PIKFYVE: variants seen among roughly 807,000 people sequenced by gnomAD.
The protein encoded by PIKFYVE is phosphoinositide kinase, FYVE-type zinc finger containing.
In PIKFYVE, 122 loss-of-function variants were observed where a neutral mutation model predicts 257.9. The ratio of observed to expected loss-of-function variants is 0.47; its 90% CI spans 0.41 to 0.55. The LOEUF is 0.55. Among genes scored for constraint, PIKFYVE ranks in the 20% least tolerant of loss-of-function variants. The probability of loss-of-function intolerance (pLI) is 0.00; values close to 1 mark genes in which losing one functional copy is unlikely to be tolerated. For synonymous variants in PIKFYVE, 892 were observed against 868.9 expected, an observed-to-expected ratio of 1.03 and a Z score of -0.47; for missense variants, 2,160 against 2,536.6, an observed-to-expected ratio of 0.85 and a Z score of 3.19.
intron 13 of PIKFYVE, among the ~76,000 whole-genome samples, 155 bp from the exon 14 acceptor site, chr2:208,314,139 A>T (rs1162462259): frequency 6.6e-6 from 1 of 152,156 alleles, no homozygotes; most frequent in African/African-American, 2.4e-5. Flanking sequence ...CATTTTATTT[A>T]TATGTTTATT....
chr2:208,357,867 A>C lies in PIKFYVE; in HGVS notation c.*2562A>C, dbSNP rs1700249150. On this transcript the variant is annotated 3_prime_UTR_variant, in exon 42 of 42. Transcript: ENST00000264380. Reference sequence around the variant, plus strand: ...AACATGAGTCCCGAGAATAATTGATAGTAGCAAGAGAAAACTATGTCAGTA... The same window carrying C: ...AACATGAGTCCCGAGAATAATTGATCGTAGCAAGAGAAAACTATGTCAGTA... The C allele has an allele frequency of 6.6e-6, 1 of 152,246 alleles. No individual in the cohort carries two copies. The highest frequency in any genetic ancestry group is 2.1e-4 in the South Asian group (1 of 4,834). The allele number at this position is 152,246 out of a possible 1,614,324, so 9.4% of individuals were successfully genotyped here.
chr2:208,284,037 T>G (rs574787714), intron 5 of PIKFYVE, among the ~76,000 whole-genome samples: 2 of 152,318 alleles, frequency 1.3e-5, no homozygotes, highest in South Asian at 4.1e-4. Flanking sequence ...CTAATATTAG[T>G]GGGAAAATTT....
intron 7 of PIKFYVE, among the ~76,000 whole-genome samples, chr2:208,297,869 G>C (rs1693178705): frequency 6.7e-6 from 1 of 149,856 alleles, no homozygotes; most frequent in Admixed American, 6.6e-5. Flanking sequence ...TAAGTCATTT[G>C]TTTGGTAACT....
intron 1 of PIKFYVE, among the ~76,000 whole-genome samples, chr2:208,268,490 G>T (rs1308236999): frequency 7.7e-5 from 11 of 142,814 alleles, no homozygotes; most frequent in African/African-American, 2.9e-4. Context: ...TGACTAGGCT[G>T]GTCTGGAACT....
At chr2:208,335,763 TA>T (rs750351036) in intron 25 of PIKFYVE, 29 bp from the exon 26 acceptor site, 26 of 1,515,026 alleles carry the variant, frequency 1.7e-5, no homozygotes, top group Non-Finnish European at 2.2e-5. Flanking sequence ...TCACCCTTTC[TA>T]AAGTGTTTAA....
chr2:208,279,215 CTGTT>C (rs1387144026), intron 5 of PIKFYVE, among the ~76,000 whole-genome samples: 9 of 152,044 alleles, frequency 5.9e-5, no homozygotes, highest in Non-Finnish European at 1.0e-4. Flanking sequence ...TGAGAAGTGT[CTGTT>C]CATGTCTTTT....
intron 3 of PIKFYVE, chr2:208,273,956 T>A (rs1245512018): frequency 1.9e-5 from 29 of 1,552,878 alleles, no homozygotes; most frequent in Non-Finnish European, 2.6e-5. Context: ...CATTAAACTT[T>A]AATTTAGGCA....
At chr2:208,346,395 A>G (rs1353342174) in intron 34 of PIKFYVE, among the ~76,000 whole-genome samples, 4 of 152,178 alleles carry the variant, frequency 2.6e-5, no homozygotes, top group East Asian at 1.9e-4. Context: ...GGTCTATGCA[A>G]AAAGGAGAAT....
At chr2:208,339,009 A>G (rs1698443763) in intron 29 of PIKFYVE, among the ~76,000 whole-genome samples, 1 of 152,218 alleles carries the variant, frequency 6.6e-6, no homozygotes, top group Non-Finnish European at 1.5e-5. Context: ...AGACTGTAGA[A>G]CCAGGAGCTC....
intron 7 of PIKFYVE, among the ~76,000 whole-genome samples, chr2:208,291,356 G>A (rs143378610): frequency 1.1e-3 from 160 of 152,140 alleles, no homozygotes; most frequent in African/African-American, 3.6e-3. Flanking sequence ...CCATTTGGTC[G>A]TGGTTTATAT....
intron 7 of PIKFYVE, among the ~76,000 whole-genome samples, chr2:208,289,385 A>G (rs1691996683): frequency 6.6e-6 from 1 of 151,872 alleles, no homozygotes; most frequent in Admixed American, 6.6e-5. Flanking sequence ...ACTAATTTAT[A>G]TTTTGTCCCT....
chr2:208,291,931 T>C (rs1488149109), intron 7 of PIKFYVE, among the ~76,000 whole-genome samples: 3 of 152,142 alleles, frequency 2.0e-5, no homozygotes, highest in African/African-American at 7.2e-5. Flanking sequence ...ATGCGCTTCG[T>C]GCTATGAATT....
rs768364491 is a variant in PIKFYVE at position 208,315,240 on chromosome 2, A to G, written c.1874A>G (p.His625Arg). The G allele has an allele frequency of 1.2e-5, 20 of 1,614,162 alleles. No individual in the cohort carries two copies. The highest frequency in any genetic ancestry group is 1.6e-5 in the Non-Finnish European group (19 of 1,179,994). Residue 625 changes from histidine (H) to arginine (R), a missense_variant, in exon 15 of 42, where the codon CAT (histidine) becomes CGT (arginine). Physicochemically the swap from His to Arg is conservative, Grantham distance 29. This residue lies in a region of PIKFYVE where 346 missense variants were observed against 365.6 expected (regional missense o/e 0.95). Coordinates refer to ENST00000264380, the MANE Select transcript of PIKFYVE (RefSeq NM_015040.4). ...HMMALLQQLL[H>R]SDSLSSSWRD... ...ATGGCACTACTCCAGCAGTTGCTCCATAGTGACTCACTGTCATCATCTTGG... is the reference window on the plus strand; with the variant it reads ...ATGGCACTACTCCAGCAGTTGCTCCGTAGTGACTCACTGTCATCATCTTGG...
At chr2:208,330,311 T>C (rs1338734545) in intron 22 of PIKFYVE, among the ~76,000 whole-genome samples, 1 of 152,170 alleles carries the variant, frequency 6.6e-6, no homozygotes, top group Non-Finnish European at 1.5e-5. Flanking sequence ...TATCAGAAGG[T>C]AAAAGGAAAT....
At chr2:208,326,478 A>G (rs1390688824) in intron 20 of PIKFYVE, 49 bp downstream of exon 20, 2 of 1,578,666 alleles carry the variant, frequency 1.3e-6, no homozygotes, top group Non-Finnish European at 8.7e-7. Flanking sequence ...GATGTGTTGA[A>G]TGACTCCTCA....
At chr2:208,301,365 G>A (rs1445771441) in intron 9 of PIKFYVE, among the ~76,000 whole-genome samples, 1 of 152,140 alleles carries the variant, frequency 6.6e-6, no homozygotes, top group Non-Finnish European at 1.5e-5. Flanking sequence ...ATTAGAGAAG[G>A]TAGCTGGAAC....
At chr2:208,317,610 C>T (rs936808387) in intron 15 of PIKFYVE, among the ~76,000 whole-genome samples, 1 of 152,152 alleles carries the variant, frequency 6.6e-6, no homozygotes, top group African/African-American at 2.4e-5. Context: ...TTAACTGCCA[C>T]ATGGCACTAG....
chr2:208,333,078 C>T (rs1387669814), intron 23 of PIKFYVE, among the ~76,000 whole-genome samples: 1 of 151,406 alleles, frequency 6.6e-6, no homozygotes, highest in Non-Finnish European at 1.5e-5. Context: ...ACTAAAAATA[C>T]AAAAAATTAG....
chr2:208,305,131 G>A, intron 12 of PIKFYVE, 118 bp downstream of exon 12: 1 of 1,555,356 alleles, frequency 6.4e-7, no homozygotes, highest in Non-Finnish European at 8.7e-7. Context: ...TATTTGGTGT[G>A]GGTTTTGTTC....
Sources: allele counts gnomAD v4.1 joint callset (sites outside exome capture counted in the v4.1 genomes callset), GRCh38; gene constraint gnomAD v4.1.1; regional missense constraint gnomAD v4.1.1; transcripts MANE v1.5; gene names NCBI Gene and HGNC (gene_info 2026-07-23, HGNC 2026-07-21).